Variants in ELOVL7 observed in about 807,000 individuals in gnomAD.
ELOVL7 encodes very long chain fatty acid elongase 7.
ELOVL7 carries 27 observed loss-of-function variants against 35.7 expected under a neutral mutation model. That is an observed-to-expected ratio of 0.76 (90% CI 0.56 to 1.04). The LOEUF (loss-of-function observed/expected upper bound fraction) is 1.04, where lower values mean the gene tolerates loss of function less well. Ranked by LOEUF, ELOVL7 falls within the 50% of genes least tolerant of loss-of-function variation. The pLI, the probability that ELOVL7 is intolerant of heterozygous loss-of-function variation, is 0.00. For missense variants in ELOVL7, 327 were observed against 340.8 expected (o/e 0.96, Z 0.32); for synonymous variants, 113 against 114.6 (o/e 0.99, Z 0.09).
chr5:60,822,043 T>A (rs752651244), intron 1 of ELOVL7, among the ~76,000 whole-genome samples: 15 of 152,242 alleles, frequency 9.9e-5, no homozygotes, highest in Non-Finnish European at 2.1e-4. Flanking sequence ...CTTTTGGGAA[T>A]GTTGTTTGCT....
In ELOVL7 at chr5:60,753,189, T is replaced by A. The variant is rs1741357764; in HGVS notation, c.*1435A>T. 1 of 151,926 alleles carries A rather than the reference T, an allele frequency of 6.6e-6. No homozygotes were observed. Among genetic ancestry groups the A allele is most frequent in the Admixed American group, 6.6e-5 (1 of 15,246 alleles). The allele number at this position is 151,926 out of a possible 1,614,324, so 9.4% of individuals were successfully genotyped here. A position where few individuals can be genotyped will look rare whatever the true frequency, so the allele number is the denominator to read the frequency against. ...AAAGTCCTACAAACATAAACAGTGCTTCAAAATTGAGTATAAATAAAAGAA... is the reference window on the plus strand; with the variant it reads ...AAAGTCCTACAAACATAAACAGTGCATCAAAATTGAGTATAAATAAAAGAA... On this transcript the variant is annotated 3_prime_UTR_variant, in exon 9 of 9. Coordinates refer to ENST00000508821, the MANE Select transcript of ELOVL7 (RefSeq NM_024930.3).
At chr5:60,779,693 T>A (rs927427924) in intron 3 of ELOVL7, among the ~76,000 whole-genome samples, 1 of 152,200 alleles carries the variant, frequency 6.6e-6, no homozygotes, top group Non-Finnish European at 1.5e-5. Flanking sequence ...GTCTCTGACA[T>A]ACTCTGGAGA....
chr5:60,790,009 C>A lies in ELOVL7; in HGVS notation c.-34-2578G>T, dbSNP rs1022028727. Among the ~76,000 whole-genome samples the A allele has an allele frequency of 3.9e-5, 6 of 152,094 alleles. 1 individual carries two copies. The highest frequency in any genetic ancestry group is 6.5e-5 in the Admixed American group (1 of 15,276). Reference sequence around the variant, plus strand: ...AAAATTAGCCGGGCATGGTGGCAGGCGCCTGTAATTCCAGCTACTCAGGAG... The same window carrying A: ...AAAATTAGCCGGGCATGGTGGCAGGAGCCTGTAATTCCAGCTACTCAGGAG... On this transcript the variant is annotated intron_variant, in intron 2 of 8. Transcript: ENST00000508821.
chr5:60,792,122 G>A (rs1042294358), intron 2 of ELOVL7, among the ~76,000 whole-genome samples: 21 of 152,162 alleles, frequency 1.4e-4, no homozygotes, highest in African/African-American at 4.1e-4. Context: ...AGATGAGGCA[G>A]GAGTAGATGT....
chr5:60,834,143 C>T (rs1191095458), intron 1 of ELOVL7, among the ~76,000 whole-genome samples: 4 of 151,972 alleles, frequency 2.6e-5, no homozygotes, highest in African/African-American at 4.8e-5. Context: ...TATTGGTTCA[C>T]ATTATTTTTT....
intron 1 of ELOVL7, among the ~76,000 whole-genome samples, chr5:60,837,078 T>C (rs900306139): frequency 6.6e-6 from 1 of 151,636 alleles, no homozygotes; most frequent in Admixed American, 6.6e-5. Flanking sequence ...TTTCTGTACC[T>C]GTGCATATGA....
In ELOVL7 at chr5:60,787,366, A is replaced by G; in HGVS notation, c.32T>C (p.Val11Ala). 1 of 1,606,430 alleles carries G rather than the reference A, an allele frequency of 6.2e-7. No homozygotes were observed. Among genetic ancestry groups the G allele is most frequent in the Non-Finnish European group, 8.5e-7 (1 of 1,177,560 alleles). Reference sequence around the variant, plus strand: ...TTTGATCCAATTATCATAAAGATGCACAGTCCTCGATGTAAGATCACTGAA... The same window carrying G: ...TTTGATCCAATTATCATAAAGATGCGCAGTCCTCGATGTAAGATCACTGAA... MAFSDLTSRT[V>A]HLYDNWIKDA... is the part of the protein sequence containing the mutation. Residue 11 changes from valine (V) to alanine (A), a missense_variant, in exon 3 of 9, where the codon GTG becomes GCG. By Grantham distance (64) the Val-to-Ala change is moderately conservative. Transcript: ENST00000508821.
At chr5:60,789,876 G>A (rs1419325765) in intron 2 of ELOVL7, among the ~76,000 whole-genome samples, 7 of 152,178 alleles carry the variant, frequency 4.6e-5, no homozygotes, top group African/African-American at 1.2e-4. Context: ...AGTGGCTCAC[G>A]TCTGTAATCC....
rs115145796 is a variant in ELOVL7 at position 60,801,187 on chromosome 5, C to A, written c.-85-1957G>T. 1.3e-3 allele frequency among the ~76,000 whole-genome samples: 193 copies of A among 152,160 alleles called. 1 individual carries two copies. Among genetic ancestry groups the A allele is most frequent in the African/African-American group, 4.5e-3 (188 of 41,536 alleles). ...AGGTGATCCTCCCACCTTGTCCTCC[C>A]GAAGTGCTCAGATTATAGGCATGAG... On this transcript the variant is annotated intron_variant, in intron 1 of 8. Coordinates refer to ENST00000508821, the MANE Select transcript of ELOVL7 (RefSeq NM_024930.3).
chr5:60,832,851 A>G (rs1746562546), intron 1 of ELOVL7, among the ~76,000 whole-genome samples: 2 of 152,336 alleles, frequency 1.3e-5, no homozygotes, highest in South Asian at 2.1e-4. Flanking sequence ...GATAAAGTCC[A>G]TGGCTTGGGC....
intron 2 of ELOVL7, among the ~76,000 whole-genome samples, chr5:60,796,326 A>G (rs1744259787): frequency 6.6e-6 from 1 of 152,190 alleles, no homozygotes; most frequent in Non-Finnish European, 1.5e-5. Flanking sequence ...AACATGGGGG[A>G]TGACTATAAA....
chr5:60,836,002 T>C lies in ELOVL7; in HGVS notation c.-86+8158A>G, dbSNP rs1282981609. ...GCCTGGGCACCACCCCATGTGCTTA[T>C]AGGGAAATGAAGAGCATAGGCTCAT... is the stretch of plus-strand genomic sequence containing the variant. On this transcript the variant is annotated intron_variant, in intron 1 of 8. Coordinates refer to ENST00000508821, the MANE Select transcript of ELOVL7 (RefSeq NM_024930.3). Among the ~76,000 whole-genome samples, 9 of 152,072 alleles carry C rather than the reference T, an allele frequency of 5.9e-5. 1 individual carries two copies. The highest frequency in any genetic ancestry group is 1.9e-4 in the African/African-American group (8 of 41,360).
chr5:60,793,804 AAAG>A (rs1193702144), intron 2 of ELOVL7, among the ~76,000 whole-genome samples: 2 of 152,244 alleles, frequency 1.3e-5, no homozygotes, highest in Non-Finnish European at 2.9e-5. Flanking sequence ...TACACTAAAA[AAAG>A]AAGTATTGTA....
intron 1 of ELOVL7, among the ~76,000 whole-genome samples, chr5:60,814,970 T>G (rs1016344016): frequency 4.2e-4 from 64 of 152,316 alleles, no homozygotes; most frequent in African/African-American, 1.5e-3. Flanking sequence ...TCACATGAAC[T>G]ACATTGCAGC....
chr5:60,794,817 C>G (rs551642095), intron 2 of ELOVL7, among the ~76,000 whole-genome samples: 3 of 152,272 alleles, frequency 2.0e-5, no homozygotes, highest in Admixed American at 2.0e-4. Context: ...AGATGCTGCT[C>G]AAGGGACCAC....
intron 2 of ELOVL7, among the ~76,000 whole-genome samples, chr5:60,790,291 G>A (rs1045514586): frequency 1.3e-5 from 2 of 152,124 alleles, no homozygotes; most frequent in Admixed American, 1.3e-4. Flanking sequence ...AAAGGGAATG[G>A]GGTACAAACT....
chr5:60,765,254 A>T (rs866668734), intron 6 of ELOVL7, among the ~76,000 whole-genome samples: 13 of 152,206 alleles, frequency 8.5e-5, no homozygotes, highest in Non-Finnish European at 1.2e-4. Context: ...AAAAAGCCAT[A>T]CACTAACACT....
intron 6 of ELOVL7, among the ~76,000 whole-genome samples, chr5:60,765,712 T>G (rs1438832351): frequency 6.6e-6 from 1 of 152,162 alleles, no homozygotes; most frequent in Non-Finnish European, 1.5e-5. Flanking sequence ...ATGTTAAAGT[T>G]CGAGAACCAC....
chr5:60,760,523 T>C (rs1741841980), intron 7 of ELOVL7, among the ~76,000 whole-genome samples: 1 of 152,234 alleles, frequency 6.6e-6, no homozygotes, highest in Non-Finnish European at 1.5e-5. Flanking sequence ...GAGTTCATTG[T>C]AGATTCTGGA....
Sources: gnomAD v4.1 joint callset for allele counts (sites outside exome capture counted in the v4.1 genomes callset) on GRCh38, gnomAD v4.1.1 for gene constraint, MANE v1.5 for transcripts, NCBI Gene and HGNC (gene_info 2026-07-23, HGNC 2026-07-21) for gene names.